The following FGF14 variants were observed in gnomAD, a reference collection of about 807,000 sequenced individuals.
The protein encoded by FGF14 is fibroblast growth factor homologous factor 4.
Under a neutral mutation model 25.5 loss-of-function variants are expected in FGF14, and 5 were observed. The ratio of observed to expected loss-of-function variants is 0.20; its 90% CI spans 0.10 to 0.41. FGF14 has a LOEUF of 0.41. Among genes scored for constraint, FGF14 ranks in the 10% least tolerant of loss-of-function variants. The probability of loss-of-function intolerance (pLI) is 1.00; values close to 1 mark genes in which losing one functional copy is unlikely to be tolerated. For synonymous variants in FGF14, 138 were observed against 118.3 expected (o/e 1.17, Z -1.08); for missense variants, 222 against 320.1 (o/e 0.69, Z 2.34).
At chr13:102,257,503 C>T (rs2052507765) in intron 1 of FGF14, among the ~76,000 whole-genome samples, 1 of 151,706 alleles carries the variant, frequency 6.6e-6, no homozygotes, top group South Asian at 2.1e-4. Context: ...AGGCATACAT[C>T]ACAACGCCCA....
At chr13:102,036,671 G>GAGA (rs556814866) in intron 1 of FGF14, among the ~76,000 whole-genome samples, 3 of 151,936 alleles carry the variant, frequency 2.0e-5, no homozygotes, top group Non-Finnish European at 4.4e-5. Context: ...GAAGGAGGAG[G>GAGA]AGAAGAAGGA....
chr13:101,960,988 CTTCTT>C (rs2036820104), intron 1 of FGF14, among the ~76,000 whole-genome samples: 1 of 152,046 alleles, frequency 6.6e-6, no homozygotes, highest in South Asian at 2.1e-4. Flanking sequence ...GGATAAATGT[CTTCTT>C]TTGAGAAGTG....
At chr13:102,156,379 C>G (rs1213042242) in intron 1 of FGF14, among the ~76,000 whole-genome samples, 1 of 152,158 alleles carries the variant, frequency 6.6e-6, no homozygotes, top group Non-Finnish European at 1.5e-5. Flanking sequence ...TAAATGTAAT[C>G]CAGCATATAA....
At chr13:102,394,196 C>T (rs576908251) in intron 1 of FGF14, among the ~76,000 whole-genome samples, 1 of 152,380 alleles carries the variant, frequency 6.6e-6, no homozygotes, top group Admixed American at 6.5e-5. Context: ...GCAACGCCAG[C>T]TCCCTTCCCT....
At chr13:102,217,500 T>C (rs2050426074) in intron 1 of FGF14, among the ~76,000 whole-genome samples, 1 of 152,160 alleles carries the variant, frequency 6.6e-6, no homozygotes, top group Non-Finnish European at 1.5e-5. Context: ...ATTTTTATAT[T>C]TTAAAAGATC....
intron 3 of FGF14, among the ~76,000 whole-genome samples, chr13:101,861,501 A>G (rs2044413116): frequency 6.6e-6 from 1 of 152,058 alleles, no homozygotes; most frequent in Non-Finnish European, 1.5e-5. Context: ...ACACTTTTAA[A>G]TATCTCTGAT....
intron 1 of FGF14, among the ~76,000 whole-genome samples, chr13:101,966,060 A>G (rs1160388970): frequency 6.6e-6 from 1 of 152,202 alleles, no homozygotes; most frequent in Non-Finnish European, 1.5e-5. Context: ...ATTAAGGGGA[A>G]GGGAAATGTT....
rs189789669 is a variant in FGF14, at chr13:102,040,360, C to A, written c.209-165064G>T. On this transcript the variant is annotated intron_variant, in intron 1 of 4. Transcript: ENST00000376131. ...CTCTTACATCTCCAGGTATACAATA[C>A]CTTTTTACATAGAGGGTGCTGATTA... 2.6e-5 allele frequency among the ~76,000 whole-genome samples: 4 copies of A among 152,206 alleles called. No homozygotes were observed. The East Asian group carries it at 7.7e-4, about 29-fold the overall frequency.
intron 1 of FGF14, among the ~76,000 whole-genome samples, chr13:102,264,655 A>C (rs563019760): frequency 2.3e-3 from 350 of 152,266 alleles, no homozygotes; most frequent in Non-Finnish European, 4.2e-3. Context: ...GGATAGTAAC[A>C]CTATCTGGGA....
chr13:101,883,984 A>G (rs1052758365), intron 1 of FGF14, among the ~76,000 whole-genome samples: 14 of 145,042 alleles, frequency 9.7e-5, no homozygotes, highest in African/African-American at 3.3e-4. Context: ...AATCAATTGA[A>G]CCTGGGAGGC....
In FGF14 at chr13:101,788,724, AT is replaced by A. The variant is rs2039998005; in HGVS notation, c.409-61915del. ...CAATTCTCTAGTTTGTGTTTGTGAT[AT>A]TAACCAGAAGAATTTTCTTTTCAGT... On this transcript the variant is annotated intron_variant, in intron 3 of 4. Transcript: ENST00000376143. 2.0e-5 allele frequency among the ~76,000 whole-genome samples: 3 copies of A among 151,632 alleles called. No homozygotes were observed. In the South Asian group the frequency reaches 6.3e-4, roughly 32 times the overall value.
In FGF14 at chr13:102,309,417, A is replaced by C. The variant is rs369446498; in HGVS notation, c.208+92054T>G. ...TGAAATGACGGGGCTATCAGCCTGC[A>C]CTAACCAGCCCTGGGAAGTGCAGTT... On this transcript the variant is annotated intron_variant, in intron 1 of 4. Transcript: ENST00000376131. Among the ~76,000 whole-genome samples, 44 of 152,296 alleles carry C rather than the reference A, an allele frequency of 2.9e-4. No homozygotes were observed. In the South Asian group the frequency reaches 6.4e-3, roughly 22 times the overall value.
chr13:101,828,417 T>A (rs2042506945), intron 3 of FGF14, among the ~76,000 whole-genome samples: 2 of 151,926 alleles, frequency 1.3e-5, no homozygotes, highest in Admixed American at 6.6e-5. Context: ...CAAATGATAA[T>A]CATTAATTGT....
At chr13:101,971,718 G>C (rs76091339) in intron 1 of FGF14, among the ~76,000 whole-genome samples, 1 of 152,214 alleles carries the variant, frequency 6.6e-6, no homozygotes, top group Non-Finnish European at 1.5e-5. Context: ...TTTCACAGAT[G>C]AGAGAAATAG....
In FGF14 at chr13:102,400,111, C is replaced by T. The variant is rs1156979911; in HGVS notation, c.208+1360G>A. On this transcript the variant is annotated intron_variant, in intron 1 of 4. Coordinates refer to the FGF14 transcript ENST00000376131. This position sits in a 1 kb window ranked among gnomAD's most constrained non-coding sequence, Gnocchi z 4.3. Reference sequence around the variant, plus strand: ...CTGCACCCGCAGGCGGCAGACCCCTCGGAGCGCGCCACCCCAGCTACGTTG... The same window carrying T: ...CTGCACCCGCAGGCGGCAGACCCCTTGGAGCGCGCCACCCCAGCTACGTTG... 5.3e-5 allele frequency among the ~76,000 whole-genome samples: 8 copies of T among 152,200 alleles called. No homozygotes were observed. In the East Asian group the frequency reaches 1.6e-3, roughly 29 times the overall value.
intron 1 of FGF14, among the ~76,000 whole-genome samples, chr13:102,121,369 T>C (rs1454457392): frequency 1.3e-5 from 2 of 152,136 alleles, no homozygotes. Flanking sequence ...TTTTATCCCA[T>C]CCATCTCCAG....
At position 101,722,690 on chromosome 13, in the gene FGF14, A is replaced by G. The variant is rs1441218103; in HGVS notation, c.*141T>C. Reference sequence around the variant, plus strand: ...ACAGGTTGAGATTTATCCACTTGCAACAGAGAAGTTCGGAGACAGCAAAGA... The same window carrying G: ...ACAGGTTGAGATTTATCCACTTGCAGCAGAGAAGTTCGGAGACAGCAAAGA... On this transcript the variant is annotated 3_prime_UTR_variant, in exon 5 of 5. Coordinates refer to ENST00000376143, the MANE Select transcript of FGF14 (RefSeq NM_004115.4). 8.7e-7 allele frequency: 1 copy of G among 1,147,390 alleles called. No homozygotes were observed. Among genetic ancestry groups the G allele is most frequent in the African/African-American group, 1.5e-5 (1 of 65,396 alleles). 71.1% of individuals were successfully genotyped at this position (1,147,390 alleles called of 1,614,324 possible).
chr13:102,169,784 T>A (rs1417398355), intron 1 of FGF14, among the ~76,000 whole-genome samples: 1 of 151,908 alleles, frequency 6.6e-6, no homozygotes, highest in Non-Finnish European at 1.5e-5. Flanking sequence ...CACGTGGAAG[T>A]TGCTGACCAG....
intron 1 of FGF14, among the ~76,000 whole-genome samples, chr13:101,992,215 A>G (rs758558457): frequency 1.1e-4 from 17 of 152,158 alleles, no homozygotes; most frequent in Non-Finnish European, 1.6e-4. Flanking sequence ...TGCTATTTTA[A>G]AAGTCTTTTG....
Sources: allele counts gnomAD v4.1 joint callset (sites outside exome capture counted in the v4.1 genomes callset), GRCh38; gene constraint gnomAD v4.1.1; non-coding constraint Gnocchi (gnomAD v3.1); transcripts MANE v1.5; gene names NCBI Gene and HGNC (gene_info 2026-07-23, HGNC 2026-07-21).